SNX25: variants seen among roughly 807,000 people sequenced by gnomAD.
SNX25 encodes sorting nexin-25.
In SNX25, 62 loss-of-function variants were observed where a neutral mutation model predicts 113.7. The ratio of observed to expected loss-of-function variants is 0.55; its 90% CI spans 0.44 to 0.67. SNX25 has a LOEUF of 0.67. SNX25 is among the 30% of genes least tolerant of loss of function. The pLI is 0.00. For synonymous variants in SNX25, 421 were observed against 436.2 expected, an observed-to-expected ratio of 0.97 and a Z score of 0.43; for missense variants, 1,014 against 1,161.0, an observed-to-expected ratio of 0.87 and a Z score of 1.84.
intron 12 of SNX25, among the ~76,000 whole-genome samples, chr4:185,343,244 G>T (rs892144932): frequency 6.6e-6 from 1 of 152,132 alleles, no homozygotes; most frequent in Non-Finnish European, 1.5e-5. Flanking sequence ...CAGTGAAAAC[G>T]AATACTAATA....
chr4:185,339,946 A>G (rs555554669), intron 11 of SNX25, among the ~76,000 whole-genome samples: 6 of 152,090 alleles, frequency 3.9e-5, no homozygotes, highest in Non-Finnish European at 8.8e-5. Flanking sequence ...TTTTTGAATT[A>G]TTTTGCTGTT....
At chr4:185,360,643 C>CTGT (rs887518503) in intron 16 of SNX25, among the ~76,000 whole-genome samples, 4 of 152,090 alleles carry the variant, frequency 2.6e-5, no homozygotes, top group African/African-American at 9.7e-5. Context: ...GGACCTGTAA[C>CTGT]TGGTTAGAAT....
chr4:185,353,701 A>G, intron 15 of SNX25, 99 bp downstream of exon 15: 1 of 951,702 alleles, frequency 1.1e-6, no homozygotes, highest in Non-Finnish European at 1.7e-6. Context: ...GCTGAAATGC[A>G]TCAGACATGT....
chr4:185,369,450 G>A (rs2095407304), intron 11 of SNX25, among the ~76,000 whole-genome samples: 1 of 151,784 alleles, frequency 6.6e-6, no homozygotes, highest in African/African-American at 2.4e-5. Flanking sequence ...CACCATGTTG[G>A]CCAGGCTGGT....
intron 11 of SNX25, chr4:185,369,691 A>G: frequency 7.3e-6 from 3 of 413,008 alleles, no homozygotes; most frequent in East Asian, 7.4e-5. Flanking sequence ...ATGCTCTGGA[A>G]GTTTTAATTT....
At chr4:185,258,330 C>T (rs1378224523) in intron 2 of SNX25, among the ~76,000 whole-genome samples, 1 of 152,154 alleles carries the variant, frequency 6.6e-6, no homozygotes, top group Non-Finnish European at 1.5e-5. Flanking sequence ...GTGGCAGGAA[C>T]AGTCAGAGAA....
At chr4:185,223,532 C>T (rs905229690) in intron 1 of SNX25, among the ~76,000 whole-genome samples, 3 of 152,080 alleles carry the variant, frequency 2.0e-5, no homozygotes, top group Admixed American at 6.5e-5. Context: ...CCGGGGGCGG[C>T]GGCTCACGCC....
intron 5 of SNX25, among the ~76,000 whole-genome samples, chr4:185,283,428 A>G (rs1750924056): frequency 6.6e-6 from 1 of 152,176 alleles, no homozygotes; most frequent in Non-Finnish European, 1.5e-5. Flanking sequence ...GAGAAGGAGA[A>G]ATATTACTGA....
chr4:185,270,922 G>A (rs534077865), intron 5 of SNX25, among the ~76,000 whole-genome samples: 52 of 152,180 alleles, frequency 3.4e-4, no homozygotes, highest in African/African-American at 1.2e-3. Flanking sequence ...TCCTTTCACC[G>A]GTCCATGGGC....
Position 185,332,624 on chromosome 4 carries a change from C to T in SNX25, c.1779C>T (p.Ala593=), listed in dbSNP as rs552365723. 3.0e-5 allele frequency: 48 copies of T among 1,613,318 alleles called. No individual in the cohort carries two copies. Among genetic ancestry groups the T allele is most frequent in the Non-Finnish European group, 3.6e-5 (42 of 1,179,680 alleles). The part of the protein sequence containing the change: ...MGPRDEAGEE[A]VDDGTNQINE... Reference sequence around the variant, plus strand: ...CAAGAGATGAGGCTGGTGAGGAAGCCGTGGATGATGGTACCAATCAGATCA... The same window carrying T: ...CAAGAGATGAGGCTGGTGAGGAAGCTGTGGATGATGGTACCAATCAGATCA... Residue 593 remains alanine, a synonymous_variant, in exon 10 of 19, where the codon GCC becomes GCT. Coordinates refer to ENST00000652585, the MANE Select transcript of SNX25 (RefSeq NM_001378034.2).
chr4:185,324,052 C>T (rs748870921), intron 9 of SNX25, among the ~76,000 whole-genome samples: 20 of 152,212 alleles, frequency 1.3e-4, no homozygotes, highest in Admixed American at 3.9e-4. Context: ...CATCTTCCCT[C>T]ATGCTGGCAT....
chr4:185,351,532 G>C lies in SNX25; in HGVS notation c.2389G>C (p.Val797Leu), dbSNP rs747399143. 7 of 1,614,074 alleles carry C rather than the reference G, an allele frequency of 4.3e-6. No individual in the cohort carries two copies. The highest frequency in any genetic ancestry group is 1.1e-5 in the South Asian group (1 of 91,086). ...PSPDYLKVID[V>L]QGKKNSFSLS... ...TCCTGACTACCTCAAGGTTATCGAC[G>C]TGCAGGGGAAAAAAAATTCTTTTTC... Residue 797 changes from valine (V) to leucine (L), a missense_variant, in exon 14 of 19, where the codon GTG (valine) becomes CTG (leucine). Coordinates refer to ENST00000652585, the MANE Select transcript of SNX25 (RefSeq NM_001378034.2).
chr4:185,371,332 G>A (rs935198125), downstream of SNX25, among the ~76,000 whole-genome samples: 21 of 152,054 alleles, frequency 1.4e-4, no homozygotes, highest in Admixed American at 6.6e-4. Flanking sequence ...GAGGTTAGGA[G>A]ATTGAGACCA....
chr4:185,351,095 A>C (rs1396033532), intron 13 of SNX25, among the ~76,000 whole-genome samples: 1 of 152,150 alleles, frequency 6.6e-6, no homozygotes, highest in East Asian at 1.9e-4. Context: ...AGATGACTGA[A>C]AGTTGTATTT....
At chr4:185,335,693 C>T (rs2095225561) in intron 10 of SNX25, among the ~76,000 whole-genome samples, 1 of 152,060 alleles carries the variant, frequency 6.6e-6, no homozygotes, top group Non-Finnish European at 1.5e-5. Flanking sequence ...TTTTGTGAGT[C>T]TGGAGCAAAC....
chr4:185,281,108 T>A (rs2126590645), intron 5 of SNX25, among the ~76,000 whole-genome samples: 1 of 152,256 alleles, frequency 6.6e-6, no homozygotes, highest in East Asian at 1.9e-4. Flanking sequence ...TGTCTCTTGC[T>A]CTTTATGTGG....
At chr4:185,373,022 G>C (rs759943771), downstream of SNX25, 4 of 1,613,226 alleles carry the variant, frequency 2.5e-6, no homozygotes, top group Middle Eastern at 1.7e-4. Context: ...ATGAGCCCAA[G>C]TGCACCCTGG....
chr4:185,237,060 GA>G (rs1742747643), intron 1 of SNX25, among the ~76,000 whole-genome samples: 1 of 152,112 alleles, frequency 6.6e-6, no homozygotes. Context: ...TGAAATTTAG[GA>G]AAACAGTAAT....
At chr4:185,241,192 A>T (rs1743905471) in intron 1 of SNX25, among the ~76,000 whole-genome samples, 1 of 152,036 alleles carries the variant, frequency 6.6e-6, no homozygotes, top group Non-Finnish European at 1.5e-5. Context: ...GGCACCATTG[A>T]GCACTGAGTG....
Sources: allele counts gnomAD v4.1 joint callset (sites outside exome capture counted in the v4.1 genomes callset), GRCh38; gene constraint gnomAD v4.1.1; transcripts MANE v1.5; gene names NCBI Gene and HGNC (gene_info 2026-07-23, HGNC 2026-07-21).